PRUNE2: variants seen among roughly 807,000 people sequenced by gnomAD.
PRUNE2 encodes the protein prune homolog 2 with BCH domain.
A neutral mutation model predicts 252.0 loss-of-function variants in PRUNE2; 164 were observed. That is an observed-to-expected ratio of 0.65 (90% CI 0.57 to 0.74). PRUNE2 has a LOEUF of 0.74. PRUNE2 is among the 30% of genes least tolerant of loss of function. The probability of loss-of-function intolerance (pLI) is 0.00; values close to 1 mark genes in which losing one functional copy is unlikely to be tolerated. For synonymous variants in PRUNE2, 1,292 were observed against 1,350.2 expected, an observed-to-expected ratio of 0.96 and a Z score of 0.94; for missense variants, 3,495 against 3,711.0, an observed-to-expected ratio of 0.94 and a Z score of 1.51.
chr9:76,879,903 A>ATATATAT (rs770473789), intron 1 of PRUNE2, among the ~76,000 whole-genome samples: 1 of 31,002 alleles, frequency 3.2e-5, no homozygotes. Flanking sequence ...ATATATATAT[A>ATATATAT]TTTTTTTTTT....
At chr9:76,881,798 T>A (rs1489721336) in intron 1 of PRUNE2, among the ~76,000 whole-genome samples, 1 of 152,046 alleles carries the variant, frequency 6.6e-6, no homozygotes, top group Non-Finnish European at 1.5e-5. Flanking sequence ...TTTTTTTGTA[T>A]TTTTAGTAGA....
intron 16 of PRUNE2, among the ~76,000 whole-genome samples, chr9:76,627,049 T>A (rs191993223): frequency 6.6e-6 from 1 of 152,182 alleles, no homozygotes; most frequent in East Asian, 1.9e-4. Context: ...GAAGAGAGAA[T>A]GTCCTTGTCA....
intron 9 of PRUNE2, among the ~76,000 whole-genome samples, chr9:76,662,076 G>C (rs536246118): frequency 4.6e-5 from 7 of 152,264 alleles, no homozygotes; most frequent in Admixed American, 4.6e-4. Context: ...ATCCAAACTT[G>C]TGAAAGCAGC....
intron 9 of PRUNE2, among the ~76,000 whole-genome samples, chr9:76,659,930 G>A (rs1850639945): frequency 6.6e-6 from 1 of 151,512 alleles, no homozygotes; most frequent in African/African-American, 2.4e-5. Context: ...AGAAACCCCT[G>A]GAATCTCACT....
Position 76,710,910 on chromosome 9 carries a change from C to A in PRUNE2, c.1364G>T (p.Gly455Val), listed in dbSNP as rs763140809. Reference sequence around the variant, plus strand: ...GAGAAGGGTGTGGTGAGGCCCAGCACCTTCTCCCACGGGGCTGTCGTCACT... The same window carrying A: ...GAGAAGGGTGTGGTGAGGCCCAGCAACTTCTCCCACGGGGCTGTCGTCACT... Reference protein sequence around the residue: ...FLSDDSPVGEGAGPHHTLLPG... With the variant: ...FLSDDSPVGEVAGPHHTLLPG... The change falls in exon 8 of 19, where the codon GGT (glycine) becomes GTT (valine). Residue 455 changes from glycine to valine, a missense_variant. Transcript: ENST00000376718. 11 of 1,558,732 alleles carry A rather than the reference C, an allele frequency of 7.1e-6. No homozygotes were observed. Among genetic ancestry groups the A allele is most frequent in the Admixed American group, 1.9e-5 (1 of 53,936 alleles).
At chr9:76,627,304 G>A (rs990755657) in intron 16 of PRUNE2, among the ~76,000 whole-genome samples, 5 of 118,980 alleles carry the variant, frequency 4.2e-5, no homozygotes, top group African/African-American at 1.3e-4. Flanking sequence ...GGTGGCGGGG[G>A]GCTCACCATG....
chr9:76,636,586 T>G, intron 14 of PRUNE2, 29 bp from the exon 15 acceptor site: 1 of 1,146,394 alleles, frequency 8.7e-7, no homozygotes, highest in Non-Finnish European at 1.3e-6. Flanking sequence ...AAAAATACAT[T>G]ACTCTTAACC....
chr9:76,703,426 C>T lies in PRUNE2; in HGVS notation c.8187G>A (p.Gln2729=), dbSNP rs369380966. Residue 2729 remains glutamine, a synonymous_variant, in exon 9 of 19, where the codon CAG becomes CAA. Transcript: ENST00000376718. ...CAGGGATCATGTTTTTCTGAACAGG[C>T]TGTGGTGAAAGCATTTCCCATTCAT... ...HDNEWEMLSP[Q]PVQKNMIPDT... is the part of the protein sequence containing the mutation. 2.2e-5 allele frequency: 36 copies of T among 1,613,714 alleles called. No individual in the cohort carries two copies. The African/African-American group carries it at 4.7e-4, about 21-fold the overall frequency.
chr9:76,827,237 C>A (rs535028391), intron 4 of PRUNE2, among the ~76,000 whole-genome samples: 28 of 152,318 alleles, frequency 1.8e-4, no homozygotes, highest in Middle Eastern at 3.4e-3. Context: ...AGGAATCTGA[C>A]AAGGTGGCTA....
chr9:76,677,415 C>T (rs891133989), intron 9 of PRUNE2, among the ~76,000 whole-genome samples: 4 of 152,176 alleles, frequency 2.6e-5, no homozygotes, highest in African/African-American at 9.7e-5. Flanking sequence ...GATAGGATCC[C>T]TTTAAGGCAT....
chr9:76,871,302 T>G (rs546694497), intron 1 of PRUNE2, among the ~76,000 whole-genome samples: 1 of 152,256 alleles, frequency 6.6e-6, no homozygotes, highest in Non-Finnish European at 1.5e-5. Context: ...ACATAGCATT[T>G]ACATTGTATT....
chr9:76,718,218 A>G (rs987319072), intron 6 of PRUNE2, among the ~76,000 whole-genome samples: 1 of 152,218 alleles, frequency 6.6e-6, no homozygotes, highest in African/African-American at 2.4e-5. Context: ...AGAAAAAGGC[A>G]GTCTTTATGC....
chr9:76,724,014 C>T (rs1158333033), intron 6 of PRUNE2, among the ~76,000 whole-genome samples: 3 of 150,752 alleles, frequency 2.0e-5, no homozygotes, highest in Non-Finnish European at 4.4e-5. Flanking sequence ...TCACCATGGT[C>T]TCGATCTCCT....
intron 16 of PRUNE2, among the ~76,000 whole-genome samples, chr9:76,625,539 T>C (rs565000785): frequency 2.0e-5 from 3 of 152,340 alleles, no homozygotes; most frequent in African/African-American, 7.2e-5. Flanking sequence ...TTGGGGGAAA[T>C]CTTATTTTCA....
chr9:76,690,688 CT>C (rs796350021), intron 9 of PRUNE2, among the ~76,000 whole-genome samples: 11 of 152,308 alleles, frequency 7.2e-5, no homozygotes, highest in African/African-American at 2.6e-4. Context: ...GAGAATCTGG[CT>C]CACTATCCTC....
intron 4 of PRUNE2, 125 bp downstream of exon 4, chr9:76,846,390 T>G (rs1009167818): frequency 1.4e-6 from 1 of 719,156 alleles, no homozygotes; most frequent in Admixed American, 2.7e-5. Context: ...GCCTCTCTGA[T>G]GAAGCTTCCC....
intron 6 of PRUNE2, among the ~76,000 whole-genome samples, chr9:76,727,861 C>T (rs1414082359): frequency 6.6e-6 from 1 of 151,730 alleles, no homozygotes; most frequent in Admixed American, 6.6e-5. Flanking sequence ...ACTACAGGTG[C>T]AAGCCACCAT....
chr9:76,823,780 T>G (rs1257447179), intron 5 of PRUNE2, 54 bp from the exon 6 acceptor site: 4 of 1,066,268 alleles, frequency 3.8e-6, no homozygotes, highest in Admixed American at 2.0e-5. Context: ...ATTTTTTTTT[T>G]GTAATATCAA....
intron 6 of PRUNE2, among the ~76,000 whole-genome samples, chr9:76,734,496 T>C (rs2048904213): frequency 6.6e-6 from 1 of 152,178 alleles, no homozygotes; most frequent in Non-Finnish European, 1.5e-5. Context: ...GAAGCCTTGG[T>C]TTCTGTATCT....
Sources: gnomAD v4.1 joint callset for allele counts (sites outside exome capture counted in the v4.1 genomes callset) on GRCh38, gnomAD v4.1.1 for gene constraint, MANE v1.5 for transcripts, NCBI Gene and HGNC (gene_info 2026-07-23, HGNC 2026-07-21) for gene names.